Variants in RECQL5 observed in about 807,000 individuals in gnomAD.
RECQL5 encodes RecQ like helicase 5, also known as ATP-dependent DNA helicase Q5.
In RECQL5, 88 loss-of-function variants were observed where a neutral mutation model predicts 103.4. That is an observed-to-expected ratio of 0.85 (90% CI 0.72 to 1.02). The LOEUF is 1.02. Ranked by LOEUF, RECQL5 falls within the 50% of genes least tolerant of loss-of-function variation. The pLI is 0.00. For synonymous variants in RECQL5, 552 were observed against 507.9 expected (o/e 1.09, Z -1.17); for missense variants, 1,232 against 1,284.3 (o/e 0.96, Z 0.62).
At chr17:75,631,321 G>A (rs1377878989) in intron 9 of RECQL5, 72 bp from the exon 10 acceptor site, 1 of 1,549,364 alleles carries the variant, frequency 6.5e-7, no homozygotes, top group South Asian at 1.1e-5. Flanking sequence ...TGCTAGAACG[G>A]CAATGTCCCT....
Position 75,629,156 on chromosome 17 carries a change from G to A in RECQL5, c.2267C>T (p.Ala756Val), listed in dbSNP as rs368586303. Residue 756 changes from alanine to valine, a missense_variant, in exon 16 of 20, where the codon GCG (alanine) becomes GTG (valine). Coordinates refer to ENST00000317905, the MANE Select transcript of RECQL5 (RefSeq NM_004259.7). ...ASKKQQLLAT[A>V]AHKDSQSIAR... is the part of the protein sequence containing the mutation. ...GATGCTCTGAGAATCCTTGTGGGCC[G>A]CTGTGGCTAGGAGCTGCTGTTTCTT... The A allele has an allele frequency of 8.1e-6, 13 of 1,613,814 alleles. No homozygotes were observed. Among genetic ancestry groups the A allele is most frequent in the African/African-American group, 6.7e-5 (5 of 75,066 alleles).
At position 75,636,272 on chromosome 17, in the gene RECQL5, C is replaced by T. The variant is rs1011864312; in HGVS notation, c.1230-4604G>A. 4.6e-5 allele frequency among the ~76,000 whole-genome samples: 7 copies of T among 152,126 alleles called. No individual in the cohort carries two copies. Among genetic ancestry groups the T allele is most frequent in the African/African-American group, 1.7e-4 (7 of 41,420 alleles). ...GGGAGGGACTCTGGTTGCCCTGGTT[C>T]GCAGGTGGGCACTACCAAGCGTGGG... On this transcript the variant is annotated intron_variant, in intron 8 of 19. Transcript: ENST00000317905. This position sits in a 1 kb window ranked among gnomAD's most constrained non-coding sequence, Gnocchi z 5.4.
chr17:75,628,249 G>A lies in RECQL5; in HGVS notation c.2774C>T (p.Pro925Leu). 6.2e-7 allele frequency: 1 copy of A among 1,614,162 alleles called. No individual in the cohort carries two copies. Among genetic ancestry groups the A allele is most frequent in the African/African-American group, 1.3e-5 (1 of 75,048 alleles). ...AGCAAACTTGCCCTCCTTGTAGAAAGGGGTGAGGCACTTGACCACAACATT... is the reference window on the plus strand; with the variant it reads ...AGCAAACTTGCCCTCCTTGTAGAAAAGGGTGAGGCACTTGACCACAACATT... Reference protein sequence around the residue: ...AANVVVKCLTPFYKEGKFASK... With the variant: ...AANVVVKCLTLFYKEGKFASK... Residue 925 changes from proline (P) to leucine (L), a missense_variant, in exon 18 of 20, where the codon CCT (proline) becomes CTT (leucine). Physicochemically the swap from Pro to Leu is moderately conservative, Grantham distance 98 (BLOSUM62 -3). Transcript: ENST00000317905.
At chr17:75,649,683 T>C in intron 8 of RECQL5, 2 of 985,498 alleles carry the variant, frequency 2.0e-6, no homozygotes, top group South Asian at 4.7e-5. Context: ...TAAAGAAACA[T>C]TCACTTATTC....
At position 75,628,280 on chromosome 17, in the gene RECQL5, C is replaced by A; in HGVS notation, c.2743G>T (p.Ala915Ser). ...AGGCACTTGACCACAACATTTGCAG[C>A]CTCCTTCAAGGAGACGCCAGGAGCG... ...LSAPGVSLKE[A>S]ANVVVKCLTP... is the part of the protein sequence containing the mutation. Residue 915 changes from alanine (A) to serine (S), a missense_variant, in exon 18 of 20, where the codon GCT (alanine) becomes TCT (serine). By Grantham distance (99) the Ala-to-Ser change is moderately conservative. Transcript: ENST00000317905. 6.2e-7 allele frequency: 1 copy of A among 1,614,188 alleles called. No homozygotes were observed.
chr17:75,653,701 C>A (rs915382971), intron 7 of RECQL5, among the ~76,000 whole-genome samples: 2 of 152,102 alleles, frequency 1.3e-5, no homozygotes, highest in Non-Finnish European at 2.9e-5. Flanking sequence ...GAGTTCGAGA[C>A]CAGCCTGGCC....
rs1008321359 is a variant in RECQL5, at chr17:75,667,129, C to G, written c.-100G>C. 5.6e-6 allele frequency: 3 copies of G among 533,468 alleles called. No homozygotes were observed. Among genetic ancestry groups the G allele is most frequent in the African/African-American group, 3.8e-5 (2 of 52,270 alleles). 33.0% of individuals were successfully genotyped at this position (533,468 alleles called of 1,614,324 possible). A position where few individuals can be genotyped will look rare whatever the true frequency, so the allele number is the denominator to read the frequency against. ...AAGACCCCTATACACAACCCCAACT[C>G]AGAGAAGCCAAAGCGCTGGGAATTC... On this transcript the variant is annotated 5_prime_UTR_variant, in exon 1 of 20. Transcript: ENST00000317905.
At position 75,666,577 on chromosome 17, in the gene RECQL5, CA is replaced by C. The variant is rs772241352; in HGVS notation, c.-14-7del. On this transcript the variant is annotated splice_polypyrimidine_tract_variant and splice_region_variant and intron_variant, in intron 1 of 19. Transcript: ENST00000317905. The stretch of plus-strand genomic sequence containing the variant: ...GCTCATCTTAGCCAAGAACAGTGGC[CA>C]AAGGTTAAGGCAAAGGTAGTAAAAG... The C allele has an allele frequency of 2.5e-6, 4 of 1,613,146 alleles. No homozygotes were observed. In the South Asian group the frequency reaches 4.4e-5, roughly 18 times the overall value.
chr17:75,655,381 T>C (rs780424978), intron 7 of RECQL5, among the ~76,000 whole-genome samples: 1 of 151,542 alleles, frequency 6.6e-6, no homozygotes, highest in Non-Finnish European at 1.5e-5. Flanking sequence ...TTTTTTTTTT[T>C]GAGACAGAGT....
At chr17:75,658,049 A>AAAAAAAG (rs2059649964) in intron 7 of RECQL5, among the ~76,000 whole-genome samples, 1 of 152,120 alleles carries the variant, frequency 6.6e-6, no homozygotes, top group Non-Finnish European at 1.5e-5. Flanking sequence ...CTCTGTCTCA[A>AAAAAAAG]AAAAAAGAAA....
At chr17:75,645,931 G>A (rs1183585584) in intron 8 of RECQL5, among the ~76,000 whole-genome samples, 5 of 152,198 alleles carry the variant, frequency 3.3e-5, no homozygotes, top group African/African-American at 1.2e-4. Flanking sequence ...GGAAGCCCTT[G>A]GAGGGCAGGG....
Position 75,627,320 on chromosome 17 carries a change from G to C in RECQL5, c.*102C>G. 1.1e-6 allele frequency: 1 copy of C among 901,394 alleles called. No individual in the cohort carries two copies. The highest frequency in any genetic ancestry group is 1.8e-6 in the Non-Finnish European group (1 of 551,938). The allele number at this position is 901,394 out of a possible 1,614,324, so 55.8% of individuals were successfully genotyped here. A position where few individuals can be genotyped will look rare whatever the true frequency, so the allele number is the denominator to read the frequency against. On this transcript the variant is annotated 3_prime_UTR_variant, in exon 20 of 20. Transcript: ENST00000317905. ...AGCCAAGTATGGTTGGAAAGGAGAA[G>C]GACTGAGAAAAGACGATGGCCCTGG... is the stretch of plus-strand genomic sequence containing the variant.
intron 8 of RECQL5, chr17:75,649,497 C>T (rs2059528691): frequency 3.0e-6 from 1 of 334,922 alleles, no homozygotes; most frequent in Non-Finnish European, 4.2e-6. Flanking sequence ...TGCAGAAATG[C>T]ACCCACTTCT....
Position 75,658,413 on chromosome 17 carries a change from T to G in RECQL5, c.1034A>C (p.Gln345Pro). Residue 345 changes from glutamine to proline, a missense_variant, in exon 7 of 20, where the codon CAG becomes CCG. Physicochemically the swap from Gln to Pro is moderately conservative, Grantham distance 76. Transcript: ENST00000317905. ...NIAKSMAGYY[Q>P]ESGRAGRDGK... ...ATCCCTGCCAGCCCGGCCAGACTCCTGGTAGTACCCAGCCATAGACTTGGC... is the reference window on the plus strand; with the variant it reads ...ATCCCTGCCAGCCCGGCCAGACTCCGGGTAGTACCCAGCCATAGACTTGGC... 6.2e-7 allele frequency: 1 copy of G among 1,614,054 alleles called. No homozygotes were observed. Among genetic ancestry groups the G allele is most frequent in the Non-Finnish European group, 8.5e-7 (1 of 1,179,950 alleles).
intron 6 of RECQL5, among the ~76,000 whole-genome samples, chr17:75,658,840 C>A (rs1441510993): frequency 6.6e-6 from 1 of 152,104 alleles, no homozygotes; most frequent in Non-Finnish European, 1.5e-5. Flanking sequence ...TTATTAAATA[C>A]CTCCTATGTG....
chr17:75,657,470 C>T (rs887769720), intron 7 of RECQL5, among the ~76,000 whole-genome samples: 3 of 151,920 alleles, frequency 2.0e-5, no homozygotes, highest in African/African-American at 4.8e-5. Flanking sequence ...ATATTAAGGC[C>T]GGGAGCAGTA....
chr17:75,639,915 C>T (rs534044656), intron 8 of RECQL5: 50 of 348,112 alleles, frequency 1.4e-4, no homozygotes, highest in Non-Finnish European at 2.4e-4. Flanking sequence ...CACCACCAGC[C>T]GCCGCCTTGG....
chr17:75,650,792 C>G (rs2059545375), intron 8 of RECQL5: 1 of 1,559,158 alleles, frequency 6.4e-7, no homozygotes, highest in Non-Finnish European at 8.7e-7. Flanking sequence ...CCACAGGCTT[C>G]TGTGTGGGTC....
rs892398476 is a variant in RECQL5 at position 75,650,452 on chromosome 17, G to T, written c.1229+734C>A. On this transcript the variant is annotated intron_variant, in intron 8 of 19. Transcript: ENST00000317905. The stretch of plus-strand genomic sequence containing the variant: ...CGCCACTGAAAATCAGGAGACGGGT[G>T]TTTAGTGGCCTCAGTCTACCATGAG... 12 of 1,342,882 alleles carry T rather than the reference G, an allele frequency of 8.9e-6. No homozygotes were observed. The African/African-American group carries it at 1.6e-4, about 18-fold the overall frequency. 83.2% of individuals were successfully genotyped at this position (1,342,882 alleles called of 1,614,324 possible). A position where few individuals can be genotyped will look rare whatever the true frequency, so the allele number is the denominator to read the frequency against.
Sources: gnomAD v4.1 joint callset for allele counts (sites outside exome capture counted in the v4.1 genomes callset) on GRCh38, gnomAD v4.1.1 for gene constraint, Gnocchi (gnomAD v3.1) non-coding constraint, MANE v1.5 for transcripts, NCBI Gene and HGNC (gene_info 2026-07-23, HGNC 2026-07-21) for gene names.